The following OTULIN variants were observed in gnomAD, a reference collection of about 807,000 sequenced individuals.
The protein encoded by OTULIN is ubiquitin thioesterase otulin.
Under a neutral mutation model 39.6 loss-of-function variants are expected in OTULIN, and 15 were observed. That is an observed-to-expected ratio of 0.38 (90% confidence interval 0.25 to 0.58). OTULIN has a LOEUF of 0.58. Among genes scored for constraint, OTULIN ranks in the 20% least tolerant of loss-of-function variants. OTULIN has a pLI of 0.66. For synonymous variants in OTULIN, 156 were observed against 170.3 expected (o/e 0.92, Z 0.65); for missense variants, 319 against 445.9 (o/e 0.72, Z 2.56).
At chr5:14,681,317 A>C in intron 3 of OTULIN, 147 bp from the exon 4 acceptor site, 1 of 829,858 alleles carries the variant, frequency 1.2e-6, no homozygotes, top group Admixed American at 2.7e-5. Context: ...GTAAGTGTTA[A>C]AACAATTGCT....
downstream of OTULIN, among the ~76,000 whole-genome samples, chr5:14,703,508 C>T (rs1357564668): frequency 6.6e-6 from 1 of 152,080 alleles, no homozygotes; most frequent in Non-Finnish European, 1.5e-5. Flanking sequence ...TGGGACTCCA[C>T]TGGCGGTGGG....
the OTULIN span, among the ~76,000 whole-genome samples, chr5:14,715,218 G>A: frequency 6.6e-6 from 1 of 152,194 alleles, no homozygotes; most frequent in Non-Finnish European, 1.5e-5. Context: ...TGCAATCTCT[G>A]CCTCCTGGGT....
chr5:14,707,211 AT>A, the OTULIN span: 1 of 152,130 alleles, frequency 6.6e-6, no homozygotes, highest in African/African-American at 2.4e-5. Context: ...ACAAGAAAAT[AT>A]TTCTCAAGGA....
At chr5:14,685,372 T>A (rs769403709) in intron 4 of OTULIN, among the ~76,000 whole-genome samples, 5 of 152,256 alleles carry the variant, frequency 3.3e-5, no homozygotes, top group Non-Finnish European at 5.9e-5. Context: ...CACTGTTTCT[T>A]GTTTAAATCT....
chr5:14,687,404 T>G, intron 4 of OTULIN, 117 bp from the exon 5 acceptor site: 3 of 1,253,648 alleles, frequency 2.4e-6, no homozygotes, highest in East Asian at 2.5e-5. Context: ...TTTGCAGAAT[T>G]AATTCTGGAA....
At chr5:14,692,386 C>T (rs1736550399) in intron 6 of OTULIN, among the ~76,000 whole-genome samples, 1 of 152,328 alleles carries the variant, frequency 6.6e-6, no homozygotes, top group African/African-American at 2.4e-5. Flanking sequence ...GCTCATTAAG[C>T]AGCCATTCCC....
At chr5:14,713,688 C>G in the OTULIN span, 8 of 1,612,912 alleles carry the variant, frequency 5.0e-6, no homozygotes, top group South Asian at 8.8e-5. The surrounding 1 kb of genome is among the most constrained non-coding windows in gnomAD (Gnocchi z 4.4). Context: ...GAGCAAAGGA[C>G]TCGTCAGCCG....
At chr5:14,671,921 T>C (rs576431461) in intron 1 of OTULIN, among the ~76,000 whole-genome samples, 42 of 152,350 alleles carry the variant, frequency 2.8e-4, no homozygotes, top group African/African-American at 9.9e-4. Flanking sequence ...TGAATACTCT[T>C]ACTGCCCTTT....
rs1259820147 is a variant in OTULIN, at chr5:14,696,075, G to A, written c.*3027G>A. On this transcript the variant is annotated 3_prime_UTR_variant, in exon 7 of 7. Transcript: ENST00000284274. ...CATGAATTGTTAACACCTCTGTTGG[G>A]AAAAGCCTTTGTGAGTTTTTATGTA... 6.6e-6 allele frequency: 1 copy of A among 151,594 alleles called. No individual in the cohort carries two copies. The highest frequency in any genetic ancestry group is 1.5e-5 in the Non-Finnish European group (1 of 67,966). The allele number at this position is 151,594 out of a possible 1,614,324, so 9.4% of individuals were successfully genotyped here.
chr5:14,701,576 G>A (rs1040770995), downstream of OTULIN, among the ~76,000 whole-genome samples: 6 of 152,278 alleles, frequency 3.9e-5, no homozygotes, highest in Admixed American at 3.9e-4. Flanking sequence ...ACTCAGTGTC[G>A]CTCTCTGCAA....
At chr5:14,681,347 C>G (rs1736244336) in intron 3 of OTULIN, 117 bp from the exon 4 acceptor site, 1 of 1,214,048 alleles carries the variant, frequency 8.2e-7, no homozygotes, top group Non-Finnish European at 1.2e-6. Context: ...ACATAAAACT[C>G]CAACTTTGGG....
rs1736504864 is a variant in OTULIN at position 14,690,729 on chromosome 5, T to C, written c.864+421T>C. On this transcript the variant is annotated intron_variant, in intron 6 of 6. Transcript: ENST00000284274. This position sits in a 1 kb window ranked among gnomAD's most constrained non-coding sequence, Gnocchi z 4.5. ...TGTCACACACTGTTAGATTGTTTTCTACTTTTTAGAAACAAGTTACTTGAT... is the reference window on the plus strand; with the variant it reads ...TGTCACACACTGTTAGATTGTTTTCCACTTTTTAGAAACAAGTTACTTGAT... Among the ~76,000 whole-genome samples the C allele has an allele frequency of 6.6e-6, 1 of 152,220 alleles. No individual in the cohort carries two copies. Among genetic ancestry groups the C allele is most frequent in the Admixed American group, 6.5e-5 (1 of 15,286 alleles).
At chr5:14,710,499 A>T in the OTULIN span, 1 of 153,890 alleles carries the variant, frequency 6.5e-6, no homozygotes, top group Admixed American at 6.4e-5. Flanking sequence ...GTGAAATGCT[A>T]TCATTCAACC....
the OTULIN span, among the ~76,000 whole-genome samples, chr5:14,716,427 G>T: frequency 6.6e-6 from 1 of 152,168 alleles, no homozygotes. Flanking sequence ...GGGAGGCAGA[G>T]GTTGCAGTGA....
chr5:14,711,142 T>C, the OTULIN span: 1 of 1,404,556 alleles, frequency 7.1e-7, no homozygotes, highest in African/African-American at 1.4e-5. Flanking sequence ...GAAGAGATGA[T>C]GCCGAAGTGT....
chr5:14,694,978 C>G lies in OTULIN; in HGVS notation c.*1930C>G, dbSNP rs946145928. The G allele has an allele frequency of 1.3e-5, 2 of 152,304 alleles. No individual in the cohort carries two copies. The highest frequency in any genetic ancestry group is 4.8e-5 in the African/African-American group (2 of 41,438). 9.4% of individuals were successfully genotyped at this position (152,304 alleles called of 1,614,324 possible). On this transcript the variant is annotated 3_prime_UTR_variant, in exon 7 of 7. Transcript: ENST00000284274. ...CATAGCAGTAGAGATCTGTGCCCTT[C>G]AGGTACATTGAATCTGACCATCAGT...
intron 6 of OTULIN, among the ~76,000 whole-genome samples, chr5:14,692,491 A>G (rs1736553964): frequency 6.6e-6 from 1 of 152,168 alleles, no homozygotes; most frequent in Non-Finnish European, 1.5e-5. Context: ...ATGACTCACA[A>G]CGTTGAGCAT....
chr5:14,711,314 G>C, the OTULIN span: 1 of 1,611,468 alleles, frequency 6.2e-7, no homozygotes, highest in South Asian at 1.1e-5. Context: ...TCTTTTTCTA[G>C]ACCAAAGAAG....
the OTULIN span, chr5:14,713,013 C>T: frequency 1.3e-6 from 2 of 1,575,412 alleles, no homozygotes; most frequent in South Asian, 2.3e-5. The surrounding 1 kb of genome is among the most constrained non-coding windows in gnomAD (Gnocchi z 4.4). Flanking sequence ...CTGTTAAGGC[C>T]AAGTCAAGGC....
Sources: gnomAD v4.1 joint callset for allele counts (sites outside exome capture counted in the v4.1 genomes callset) on GRCh38, gnomAD v4.1.1 for gene constraint, Gnocchi (gnomAD v3.1) non-coding constraint, MANE v1.5 for transcripts, NCBI Gene and HGNC (gene_info 2026-07-23, HGNC 2026-07-21) for gene names.